VPS53: variants seen among roughly 807,000 people sequenced by gnomAD.
VPS53 encodes the protein vacuolar protein sorting-associated protein 53 homolog.
Under a neutral mutation model 107.0 loss-of-function variants are expected in VPS53, and 70 were observed. The observed-to-expected ratio is 0.65, with a 90% CI of 0.54 to 0.80. VPS53 has a LOEUF of 0.80. Among genes scored for constraint, VPS53 ranks in the 30% least tolerant of loss-of-function variants. VPS53 has a pLI of 0.00. For synonymous variants in VPS53, 409 were observed against 393.3 expected (o/e 1.04, Z -0.47); for missense variants, 917 against 1,049.4 (o/e 0.87, Z 1.74).
intron 13 of VPS53, among the ~76,000 whole-genome samples, chr17:563,287 C>CTTTT (rs36076034): frequency 3.8e-4 from 39 of 103,300 alleles, no homozygotes; most frequent in African/African-American, 5.6e-4. Flanking sequence ...ACTTCATTTC[C>CTTTT]TTTTTTTTTT....
At chr17:608,609 TTTC>T (rs1364583612) in intron 11 of VPS53, among the ~76,000 whole-genome samples, 3 of 150,916 alleles carry the variant, frequency 2.0e-5, no homozygotes, top group Non-Finnish European at 3.0e-5. Context: ...GCTTTTTTCT[TTTC>T]TTTTCTTTTC....
intron 4 of VPS53, among the ~76,000 whole-genome samples, chr17:692,813 C>A (rs1164409570): frequency 1.3e-5 from 2 of 152,030 alleles, no homozygotes; most frequent in East Asian, 3.9e-4. Context: ...CCAGCCTGAC[C>A]AACATGGTGA....
intron 12 of VPS53, among the ~76,000 whole-genome samples, chr17:592,291 C>T (rs1250004888): frequency 2.0e-5 from 3 of 152,042 alleles, no homozygotes; most frequent in East Asian, 1.9e-4. Context: ...TGTCTCTGCC[C>T]GTGAGATGGG....
chr17:599,561 G>A lies in VPS53; in HGVS notation c.1218+2234C>T, dbSNP rs894984428. ...ACAGATGCTTGAAGGCAGCATGCTC[G>A]TTAAGAGTCATCACCACTCCCTAAT... On this transcript the variant is annotated intron_variant, in intron 12 of 21. Coordinates refer to ENST00000437048, the MANE Select transcript of VPS53 (RefSeq NM_001128159.3). Among the ~76,000 whole-genome samples the A allele has an allele frequency of 2.8e-3, 422 of 150,142 alleles. 3 individuals are homozygous for A. Among genetic ancestry groups the A allele is most frequent in the African/African-American group, 5.0e-3 (205 of 40,992 alleles).
At chr17:680,691 G>T (rs577426033) in intron 4 of VPS53, among the ~76,000 whole-genome samples, 8 of 152,260 alleles carry the variant, frequency 5.3e-5, no homozygotes, top group African/African-American at 1.9e-4. Context: ...TGTCAGCTCC[G>T]GGAGAGAAGT....
chr17:610,079 C>T (rs1227686233), intron 11 of VPS53, among the ~76,000 whole-genome samples: 2 of 150,688 alleles, frequency 1.3e-5, no homozygotes, highest in African/African-American at 2.4e-5. Context: ...TGCAGTGAGC[C>T]GAGATCGCGC....
chr17:677,267 C>G (rs1017483508), intron 4 of VPS53, among the ~76,000 whole-genome samples: 1 of 152,030 alleles, frequency 6.6e-6, no homozygotes. Context: ...ATTATTCACC[C>G]GTAAAAGAGA....
At chr17:545,956 A>C (rs1410460796) in intron 17 of VPS53, among the ~76,000 whole-genome samples, 2 of 152,246 alleles carry the variant, frequency 1.3e-5, no homozygotes, top group African/African-American at 4.8e-5. Context: ...TTCAAAGATT[A>C]CTACAAAGCT....
intron 12 of VPS53, among the ~76,000 whole-genome samples, chr17:597,480 TGTAA>T (rs1968030019): frequency 6.6e-6 from 1 of 152,156 alleles, no homozygotes; most frequent in Non-Finnish European, 1.5e-5. Context: ...GTCACTGGCA[TGTAA>T]GTGTTATTAC....
intron 15 of VPS53, among the ~76,000 whole-genome samples, chr17:559,905 A>G (rs542638638): frequency 1.3e-5 from 2 of 152,360 alleles, no homozygotes; most frequent in South Asian, 4.1e-4. Flanking sequence ...CAGCAGAGGC[A>G]TCACCCTTTC....
chr17:571,416 T>A (rs1382143812), intron 13 of VPS53, among the ~76,000 whole-genome samples: 2 of 152,188 alleles, frequency 1.3e-5, no homozygotes, highest in Non-Finnish European at 2.9e-5. Context: ...CTTTGTATAA[T>A]TCTTATAATT....
rs1002356754 is a variant in VPS53 at position 520,337 on chromosome 17, C to T, written c.2224-407G>A. Among the ~76,000 whole-genome samples the T allele has an allele frequency of 6.6e-6, 1 of 152,140 alleles. No individual in the cohort carries two copies. The highest frequency in any genetic ancestry group is 1.5e-5 in the Non-Finnish European group (1 of 68,030). The stretch of plus-strand genomic sequence containing the variant: ...CGGGAAACCCTGCGTGAGAGGGTCT[C>T]CTGTTCCAGGCATTTCACCAGTACA... On this transcript the variant is annotated intron_variant, in intron 20 of 21. Coordinates refer to ENST00000437048, the MANE Select transcript of VPS53 (RefSeq NM_001128159.3). The surrounding 1 kb of genome is among the most constrained non-coding windows in gnomAD (Gnocchi z 4.4).
chr17:626,879 G>A (rs1336856791), intron 10 of VPS53, among the ~76,000 whole-genome samples: 1 of 152,148 alleles, frequency 6.6e-6, no homozygotes, highest in Non-Finnish European at 1.5e-5. Flanking sequence ...TACCGACTAG[G>A]GGAAAACGTG....
intron 7 of VPS53, among the ~76,000 whole-genome samples, chr17:651,029 T>A (rs916287942): frequency 4.6e-5 from 7 of 152,140 alleles, no homozygotes; most frequent in African/African-American, 1.7e-4. Context: ...AACTATAGAT[T>A]TATATAAATA....
chr17:602,012 A>G, intron 11 of VPS53, 116 bp from the exon 12 acceptor site: 1 of 645,064 alleles, frequency 1.6e-6, no homozygotes, highest in South Asian at 3.0e-5. Context: ...TATCTGATAA[A>G]GAAGAACTGA....
chr17:671,048 T>C lies in VPS53; in HGVS notation c.286-9153A>G, dbSNP rs574995508. ...GAGTTAGAGACCAGCCTAGCCAACA[T>C]GGTGAAACCCCGTCTCTTCTAAAAA... On this transcript the variant is annotated intron_variant, in intron 4 of 21. Transcript: ENST00000437048. Among the ~76,000 whole-genome samples, 35 of 152,178 alleles carry C rather than the reference T, an allele frequency of 2.3e-4. No individual in the cohort carries two copies. The East Asian group carries it at 5.4e-3, about 24-fold the overall frequency.
rs1330648019 is a variant in VPS53, at chr17:601,884, A to G, written c.1129T>C (p.Ser377Pro). 6.3e-7 allele frequency: 1 copy of G among 1,582,686 alleles called. No individual in the cohort carries two copies. The highest frequency in any genetic ancestry group is 8.6e-7 in the Non-Finnish European group (1 of 1,163,884). ...LTDGTLKKLESPPPSTNPFLE... is the reference protein window; with the variant it reads ...LTDGTLKKLEPPPPSTNPFLE... ...AAGGGATTGGTAGATGGGGGTGGAGACTCAAGCTTTTTCTGTTAGGTAGAT... is the reference window on the plus strand; with the variant it reads ...AAGGGATTGGTAGATGGGGGTGGAGGCTCAAGCTTTTTCTGTTAGGTAGAT... The change falls in exon 12 of 22, where the codon TCT (serine) becomes CCT (proline). Residue 377 changes from serine (S) to proline (P), a missense_variant. Physicochemically the swap from Ser to Pro is moderately conservative, Grantham distance 74 (BLOSUM62 -1). Coordinates refer to ENST00000437048, the MANE Select transcript of VPS53 (RefSeq NM_001128159.3).
At position 551,674 on chromosome 17, in the gene VPS53, C is replaced by T. The variant is rs559057054; in HGVS notation, c.1866+198G>A. 4.0e-5 allele frequency: 16 copies of T among 400,894 alleles called. No homozygotes were observed. In the South Asian group the frequency reaches 6.9e-4, roughly 17 times the overall value. 24.8% of individuals were successfully genotyped at this position (400,894 alleles called of 1,614,324 possible). ...CCTCCAATACTGTGATGCTCTGTCTCATTCTAAAAGGACAAGCAACTGAAC... is the reference window on the plus strand; with the variant it reads ...CCTCCAATACTGTGATGCTCTGTCTTATTCTAAAAGGACAAGCAACTGAAC... On this transcript the variant is annotated intron_variant, in intron 17 of 21. Transcript: ENST00000437048.
intron 17 of VPS53, among the ~76,000 whole-genome samples, chr17:546,112 T>C (rs1446267896): frequency 6.6e-6 from 1 of 152,208 alleles, no homozygotes; most frequent in African/African-American, 2.4e-5. Context: ...AAAAGAATAG[T>C]CGTTTCAACA....
Sources: allele counts gnomAD v4.1 joint callset (sites outside exome capture counted in the v4.1 genomes callset), GRCh38; gene constraint gnomAD v4.1.1; non-coding constraint Gnocchi (gnomAD v3.1); transcripts MANE v1.5; gene names NCBI Gene and HGNC (gene_info 2026-07-23, HGNC 2026-07-21).